SLC16A12: variants seen among roughly 807,000 people sequenced by gnomAD.
SLC16A12 encodes monocarboxylate transporter 12.
A neutral mutation model predicts 42.4 loss-of-function variants in SLC16A12; 17 were observed. That is an observed-to-expected ratio of 0.40 (90% CI 0.27 to 0.60). The LOEUF is 0.60. Ranked by LOEUF, SLC16A12 falls within the 20% of genes least tolerant of loss-of-function variation. SLC16A12 has a pLI of 0.42. For synonymous variants in SLC16A12, 224 were observed against 229.4 expected, an observed-to-expected ratio of 0.98 and a Z score of 0.21; for missense variants, 544 against 623.0, an observed-to-expected ratio of 0.87 and a Z score of 1.35.
chr10:89,508,819 G>C (rs1010694219), intron 2 of SLC16A12, among the ~76,000 whole-genome samples: 1 of 152,046 alleles, frequency 6.6e-6, no homozygotes, highest in African/African-American at 2.4e-5. Flanking sequence ...TCAATAAATA[G>C]ATAGACTGCT....
intron 3 of SLC16A12, among the ~76,000 whole-genome samples, chr10:89,451,670 C>A (rs887794043): frequency 3.3e-5 from 5 of 152,100 alleles, no homozygotes; most frequent in African/African-American, 9.7e-5. Context: ...CCTCGGCCTC[C>A]CAAAGTGCTG....
At chr10:89,442,130 T>C (rs909768727) in intron 4 of SLC16A12, among the ~76,000 whole-genome samples, 4 of 152,222 alleles carry the variant, frequency 2.6e-5, no homozygotes, top group African/African-American at 9.6e-5. Context: ...TTTCCAGGTG[T>C]CTGAAGAGTA....
intron 2 of SLC16A12, among the ~76,000 whole-genome samples, chr10:89,472,000 T>C (rs1842502257): frequency 6.6e-6 from 1 of 152,200 alleles, no homozygotes; most frequent in Non-Finnish European, 1.5e-5. Flanking sequence ...GATACAGGAA[T>C]ACTTTATATA....
chr10:89,532,387 G>T (rs1234263315), intron 2 of SLC16A12, among the ~76,000 whole-genome samples: 3 of 152,180 alleles, frequency 2.0e-5, no homozygotes, highest in African/African-American at 7.2e-5. Flanking sequence ...ACAGGACATT[G>T]TTAGATAATG....
chr10:89,510,528 T>A (rs1398439963), intron 2 of SLC16A12, among the ~76,000 whole-genome samples: 1 of 152,192 alleles, frequency 6.6e-6, no homozygotes, highest in Admixed American at 6.5e-5. Context: ...TGGCTAGCCA[T>A]ATGGGGAAAG....
chr10:89,553,411 A>G (rs970713442), intron 2 of SLC16A12, among the ~76,000 whole-genome samples: 1 of 152,248 alleles, frequency 6.6e-6, no homozygotes, highest in African/African-American at 2.4e-5. Context: ...ATCACAGGCT[A>G]TTAAATCATC....
In SLC16A12 at chr10:89,436,209, G is replaced by C; in HGVS notation, c.1139C>G (p.Ser380Cys). Residue 380 changes from serine (S) to cysteine (C), a missense_variant, in exon 7 of 8, where the codon TCT becomes TGT. By Grantham distance (112) the Ser-to-Cys change is moderately radical. Transcript: ENST00000371790. ...ACCATCAAAGTAGCCAAAGGTACAA[G>C]AGAAAGGCACGAGCAGAGGGAGACT... ...LQSLPLLVPF[S>C]CTFGYFDGAY... 2 of 1,614,144 alleles carry C rather than the reference G, an allele frequency of 1.2e-6. No homozygotes were observed. The highest frequency in any genetic ancestry group is 1.1e-5 in the South Asian group (1 of 91,082).
chr10:89,523,242 G>C (rs543583917), intron 2 of SLC16A12, among the ~76,000 whole-genome samples: 1 of 152,172 alleles, frequency 6.6e-6, no homozygotes, highest in South Asian at 2.1e-4. Context: ...CTCCCCTTCA[G>C]CCTTACCACC....
chr10:89,548,074 C>T (rs1232631282), intron 2 of SLC16A12, among the ~76,000 whole-genome samples: 4 of 151,114 alleles, frequency 2.6e-5, no homozygotes, highest in Non-Finnish European at 5.9e-5. Flanking sequence ...TTTCAAAAAG[C>T]AGGAAGGAAG....
intron 2 of SLC16A12, among the ~76,000 whole-genome samples, chr10:89,525,220 C>CAAAAAAAAAAAAAAAAAAAAAAAAA (rs869295721): frequency 1.5e-5 from 1 of 64,640 alleles, no homozygotes; most frequent in Non-Finnish European, 3.0e-5. Context: ...GACACCATAT[C>CAAAAAAAAAAAAAAAAAAAAAAAAA]AAAAAAAAAA....
intron 3 of SLC16A12, among the ~76,000 whole-genome samples, chr10:89,460,153 C>T (rs1459669723): frequency 6.6e-6 from 1 of 152,084 alleles, no homozygotes; most frequent in Non-Finnish European, 1.5e-5. Context: ...CCAGCATGAT[C>T]CCTCCTTCTA....
At chr10:89,529,935 T>C (rs1055934385) in intron 2 of SLC16A12, among the ~76,000 whole-genome samples, 7 of 152,158 alleles carry the variant, frequency 4.6e-5, no homozygotes. Flanking sequence ...TGAGTTATTT[T>C]CAAAATATAC....
At chr10:89,451,154 T>C (rs1001457699) in intron 3 of SLC16A12, among the ~76,000 whole-genome samples, 2 of 152,154 alleles carry the variant, frequency 1.3e-5, no homozygotes, top group Admixed American at 6.5e-5. Context: ...AGGTTATTAA[T>C]CTCTTTGGAG....
At chr10:89,507,851 A>G (rs146327906) in intron 2 of SLC16A12, among the ~76,000 whole-genome samples, 2 of 152,346 alleles carry the variant, frequency 1.3e-5, no homozygotes, top group African/African-American at 2.4e-5. Context: ...ATGCAAAGAC[A>G]CATATAGGCT....
intron 2 of SLC16A12, among the ~76,000 whole-genome samples, chr10:89,506,841 C>T (rs1589713982): frequency 6.6e-6 from 1 of 151,946 alleles, no homozygotes; most frequent in Admixed American, 6.6e-5. Flanking sequence ...AAAGGTTGGA[C>T]GAATTGCTAA....
chr10:89,461,801 C>T (rs1056925604), intron 3 of SLC16A12, among the ~76,000 whole-genome samples: 42 of 152,190 alleles, frequency 2.8e-4, no homozygotes, highest in African/African-American at 9.9e-4. Context: ...AGCTAACTTA[C>T]CTTCTCAGGT....
chr10:89,485,465 C>T (rs1046752700), intron 2 of SLC16A12, among the ~76,000 whole-genome samples: 1 of 152,200 alleles, frequency 6.6e-6, no homozygotes, highest in African/African-American at 2.4e-5. Context: ...TCCAGGTGCC[C>T]TGAGGTCCTT....
chr10:89,463,881 C>T (rs2133750706), intron 2 of SLC16A12, among the ~76,000 whole-genome samples: 1 of 152,268 alleles, frequency 6.6e-6, no homozygotes, highest in Non-Finnish European at 1.5e-5. Context: ...TCTAAGGTAC[C>T]CCTATGGTCC....
chr10:89,443,877 G>A lies in SLC16A12; in HGVS notation c.201-18C>T, dbSNP rs780182362. ...AGATACATCTGAAAAATACAATGCA[G>A]GCATTTTATACAAAAAATGAATGAG... On this transcript the variant is annotated intron_variant, in intron 3 of 7. Transcript: ENST00000371790. The A allele has an allele frequency of 7.4e-6, 11 of 1,491,664 alleles. No individual in the cohort carries two copies. The East Asian group carries it at 2.3e-4, about 31-fold the overall frequency. The allele number at this position is 1,491,664 out of a possible 1,614,324, so 92.4% of individuals were successfully genotyped here. A position where few individuals can be genotyped will look rare whatever the true frequency, so the allele number is the denominator to read the frequency against.
Sources: gnomAD v4.1 joint callset for allele counts (sites outside exome capture counted in the v4.1 genomes callset) on GRCh38, gnomAD v4.1.1 for gene constraint, MANE v1.5 for transcripts, NCBI Gene and HGNC (gene_info 2026-07-23, HGNC 2026-07-21) for gene names.